RP1: variants seen among roughly 807,000 people sequenced by gnomAD.
The protein encoded by RP1 is RP1 axonemal microtubule associated.
In RP1, 16 loss-of-function variants were observed where a neutral mutation model predicts 14.8. The ratio of observed to expected loss-of-function variants is 1.08; its 90% confidence interval spans 0.73 to 1.65. RP1 has a LOEUF of 1.65. RP1 is among the 40% of genes most tolerant of loss of function. The probability of loss-of-function intolerance (pLI) is 0.00; values close to 1 mark genes in which losing one functional copy is unlikely to be tolerated. For synonymous variants in RP1, 876 were observed against 883.6 expected, an observed-to-expected ratio of 0.99 and a Z score of 0.15; for missense variants, 2,631 against 2,535.0, an observed-to-expected ratio of 1.04 and a Z score of -0.81.
At chr8:54,720,116 G>A in intron 15 of RP1, 1 of 1,494,620 alleles carries the variant, frequency 6.7e-7, no homozygotes, top group Non-Finnish European at 8.9e-7. Context: ...GAATCATTTT[G>A]TATTGATTGT....
At chr8:54,764,401 T>G (rs1809714107) in intron 22 of RP1, among the ~76,000 whole-genome samples, 1 of 152,258 alleles carries the variant, frequency 6.6e-6, no homozygotes, top group African/African-American at 2.4e-5. Flanking sequence ...TCCTGTAGGC[T>G]TTCATGGGTA....
chr8:54,621,404 T>C lies in RP1; in HGVS notation c.438T>C (p.Ala146=), dbSNP rs1805867972. Reference sequence around the variant, plus strand: ...CGCCCCACCCCGTAGCCGTCGCTGCTCCCGGCATGCCCCGCCCCCCACGGA... The same window carrying C: ...CGCCCCACCCCGTAGCCGTCGCTGCCCCCGGCATGCCCCGCCCCCCACGGA... ...HSPPHPVAVA[A]PGMPRPPRSL... Residue 146 remains alanine, a synonymous_variant, in exon 2 of 4, where the codon GCT becomes GCC. Transcript: ENST00000220676. 6.2e-7 allele frequency: 1 copy of C among 1,612,918 alleles called. No individual in the cohort carries two copies. Among genetic ancestry groups the C allele is most frequent in the Non-Finnish European group, 8.5e-7 (1 of 1,179,850 alleles).
At chr8:54,687,482 C>G (rs1222457149) in intron 12 of RP1, among the ~76,000 whole-genome samples, 1 of 152,046 alleles carries the variant, frequency 6.6e-6, no homozygotes, top group Non-Finnish European at 1.5e-5. Flanking sequence ...CCTGACAGGC[C>G]CCGGTTTGTG....
At chr8:54,847,828 A>G (rs1351694064) in intron 25 of RP1, among the ~76,000 whole-genome samples, 2 of 152,310 alleles carry the variant, frequency 1.3e-5, no homozygotes, top group East Asian at 3.9e-4. Flanking sequence ...TTTTGGGGAC[A>G]GCTAAGTAGC....
At chr8:54,712,824 G>A (rs995867712) in intron 15 of RP1, among the ~76,000 whole-genome samples, 6 of 143,652 alleles carry the variant, frequency 4.2e-5, no homozygotes, top group African/African-American at 8.2e-5. Context: ...ACATAACAAC[G>A]AAGCATATTA....
chr8:54,617,512 C>G (rs1398436013), intron 1 of RP1, among the ~76,000 whole-genome samples: 4 of 152,198 alleles, frequency 2.6e-5, no homozygotes, highest in African/African-American at 9.7e-5. Context: ...ACTGTATTGT[C>G]AAGACTTAAT....
intron 22 of RP1, among the ~76,000 whole-genome samples, chr8:54,768,081 C>A (rs1353492161): frequency 1.3e-5 from 2 of 152,176 alleles, no homozygotes; most frequent in Non-Finnish European, 2.9e-5. Flanking sequence ...CCTTGAGTAA[C>A]CCACACACAA....
chr8:54,777,716 G>T (rs748029107), intron 23 of RP1, among the ~76,000 whole-genome samples: 45 of 152,170 alleles, frequency 3.0e-4, no homozygotes, highest in Non-Finnish European at 6.0e-4. Flanking sequence ...TATATACATA[G>T]AATTATTTGG....
chr8:54,787,345 T>A (rs1345230214), intron 24 of RP1, among the ~76,000 whole-genome samples: 3 of 152,096 alleles, frequency 2.0e-5, no homozygotes, highest in Non-Finnish European at 4.4e-5. Context: ...AACCCTTGAA[T>A]CTGTTTATTG....
upstream of RP1, among the ~76,000 whole-genome samples, chr8:54,615,371 G>A (rs1209342299): frequency 1.3e-5 from 2 of 152,118 alleles, no homozygotes; most frequent in African/African-American, 4.8e-5. Context: ...TTGTTGTTCA[G>A]AGCTGAGGCA....
intron 1 of RP1, among the ~76,000 whole-genome samples, chr8:54,599,111 C>G (rs1164823800): frequency 6.6e-6 from 1 of 152,120 alleles, no homozygotes; most frequent in Non-Finnish European, 1.5e-5. Flanking sequence ...CTGCAAGTCC[C>G]TGAGGTTCTG....
At chr8:54,602,160 A>G (rs1351874777) in intron 1 of RP1, among the ~76,000 whole-genome samples, 2 of 152,196 alleles carry the variant, frequency 1.3e-5, no homozygotes, top group Non-Finnish European at 2.9e-5. Context: ...AACATTAGGT[A>G]TATCTCCCAG....
chr8:54,721,829 A>G (rs1240472900), intron 16 of RP1, among the ~76,000 whole-genome samples: 3 of 152,240 alleles, frequency 2.0e-5, no homozygotes, highest in Non-Finnish European at 2.9e-5. Flanking sequence ...AAGCATCAAC[A>G]TTTCTTCAAA....
intron 27 of RP1, chr8:54,865,800 A>G: frequency 1.2e-6 from 1 of 807,622 alleles, no homozygotes; most frequent in Non-Finnish European, 1.7e-6. Flanking sequence ...TTTAAGCTAA[A>G]GAGTTAAATA....
chr8:54,842,637 G>A (rs918815586), intron 25 of RP1, among the ~76,000 whole-genome samples: 1 of 152,184 alleles, frequency 6.6e-6, no homozygotes, highest in African/African-American at 2.4e-5. Flanking sequence ...AGTATAGGCT[G>A]TTCTCAACCC....
At chr8:54,708,852 C>G (rs1808226260) in intron 15 of RP1, among the ~76,000 whole-genome samples, 1 of 152,116 alleles carries the variant, frequency 6.6e-6, no homozygotes, top group African/African-American at 2.4e-5. Flanking sequence ...CTATGGGTGA[C>G]TCAGCTCTAT....
At chr8:54,620,280 A>G (rs1805822669) in intron 1 of RP1, among the ~76,000 whole-genome samples, 2 of 152,168 alleles carry the variant, frequency 1.3e-5, no homozygotes, top group South Asian at 2.1e-4. Context: ...TTATAATACC[A>G]TATTTTGACT....
chr8:54,840,300 T>A (rs913683169), intron 25 of RP1, among the ~76,000 whole-genome samples: 12 of 152,076 alleles, frequency 7.9e-5, no homozygotes, highest in African/African-American at 2.7e-4. Context: ...TTGCCCAGGC[T>A]GGAGTGCAGT....
At chr8:54,633,737 C>CTCTCTATATA (rs1236298691), downstream of RP1, among the ~76,000 whole-genome samples, 337 of 118,772 alleles carry the variant, frequency 2.8e-3, 2 homozygotes, top group East Asian at 0.017. Flanking sequence ...CTCTCTCTCT[C>CTCTCTATATA]TATATATATA....
Sources: gnomAD v4.1 joint callset for allele counts (sites outside exome capture counted in the v4.1 genomes callset) on GRCh38, gnomAD v4.1.1 for gene constraint, MANE v1.5 for transcripts, NCBI Gene and HGNC (gene_info 2026-07-23, HGNC 2026-07-21) for gene names.